Variants in BIN3 observed in about 807,000 individuals in gnomAD.
BIN3 encodes bridging integrator 3.
A neutral mutation model predicts 38.2 loss-of-function variants in BIN3; 41 were observed. The observed-to-expected ratio is 1.07, with a 90% CI of 0.84 to 1.39. The LOEUF (loss-of-function observed/expected upper bound fraction) is 1.39. BIN3 is among the 40% of genes most tolerant of loss of function. The pLI, the probability that BIN3 is intolerant of heterozygous loss-of-function variation, is 0.00. For missense variants in BIN3, 361 were observed against 324.3 expected, an observed-to-expected ratio of 1.11 and a Z score of -0.87; for synonymous variants, 145 against 122.6, an observed-to-expected ratio of 1.18 and a Z score of -1.21.
chr8:22,630,492 T>C lies in BIN3; in HGVS notation c.247A>G (p.Thr83Ala). ...EQDQDLLNMV[T>A]ALDTAMKRMD... ...CGCTTCATGGCCGTGTCCAGGGCCG[T>C]CACCATGTTCAGAAGGTCCTGGTCT... The change falls in exon 5 of 9, where the codon ACG becomes GCG. Residue 83 changes from threonine to alanine, a missense_variant. Transcript: ENST00000276416. The C allele has an allele frequency of 6.2e-7, 1 of 1,614,010 alleles. No homozygotes were observed. Among genetic ancestry groups the C allele is most frequent in the South Asian group, 1.1e-5 (1 of 91,078 alleles).
At chr8:22,633,882 C>A (rs1802285369) in intron 4 of BIN3, among the ~76,000 whole-genome samples, 1 of 152,238 alleles carries the variant, frequency 6.6e-6, no homozygotes, top group South Asian at 2.1e-4. Flanking sequence ...ACCACCACCA[C>A]CGCTCTTCAG....
At chr8:22,658,428 TTC>T (rs1172857296) in intron 1 of BIN3, among the ~76,000 whole-genome samples, 3 of 152,264 alleles carry the variant, frequency 2.0e-5, no homozygotes, top group African/African-American at 7.2e-5. Flanking sequence ...AGTTGGCTAA[TTC>T]TGTCTGTCTC....
At chr8:22,627,288 G>A (rs1302124052) in intron 6 of BIN3, among the ~76,000 whole-genome samples, 1 of 152,212 alleles carries the variant, frequency 6.6e-6, no homozygotes, top group Non-Finnish European at 1.5e-5. Context: ...GCAGGGCGCA[G>A]CTTGTGCCAA....
At chr8:22,645,310 C>A (rs1359328633) in intron 1 of BIN3, among the ~76,000 whole-genome samples, 1 of 149,792 alleles carries the variant, frequency 6.7e-6, no homozygotes, top group Non-Finnish European at 1.5e-5. Context: ...AAAAAAAAAA[C>A]ACAAAAAAAC....
intron 2 of BIN3, among the ~76,000 whole-genome samples, chr8:22,637,866 CCTCA>C (rs1297953267): frequency 6.6e-6 from 1 of 152,168 alleles, no homozygotes; most frequent in Non-Finnish European, 1.5e-5. Context: ...TTCACAGAGC[CCTCA>C]CTGTGTGCTT....
At chr8:22,648,997 T>C (rs1802800577) in intron 1 of BIN3, among the ~76,000 whole-genome samples, 2 of 152,172 alleles carry the variant, frequency 1.3e-5, no homozygotes, top group Admixed American at 6.5e-5. Flanking sequence ...CAAGTGCATC[T>C]TGTACATTTC....
intron 1 of BIN3, among the ~76,000 whole-genome samples, chr8:22,657,502 G>A (rs1334278405): frequency 2.6e-5 from 4 of 152,246 alleles, no homozygotes; most frequent in East Asian, 1.9e-4. Flanking sequence ...ATTGGAGTAC[G>A]ATGGGTCAAG....
At chr8:22,643,052 T>C (rs1214242789) in intron 2 of BIN3, among the ~76,000 whole-genome samples, 2 of 152,226 alleles carry the variant, frequency 1.3e-5, no homozygotes, top group East Asian at 3.8e-4. Context: ...TTCATTTTGA[T>C]AAAGGTTGGG....
chr8:22,655,238 C>G (rs1179319836), intron 1 of BIN3, among the ~76,000 whole-genome samples: 1 of 152,200 alleles, frequency 6.6e-6, no homozygotes, highest in Admixed American at 6.5e-5. Flanking sequence ...TGGGTTTCCA[C>G]TTTCTTAATG....
chr8:22,627,559 G>A (rs188462292), intron 6 of BIN3, among the ~76,000 whole-genome samples: 172 of 152,194 alleles, frequency 1.1e-3, no homozygotes, highest in African/African-American at 3.9e-3. Context: ...ACCCCACAGA[G>A]GCCCTGCTGA....
chr8:22,627,186 G>A (rs1168428807), intron 6 of BIN3, among the ~76,000 whole-genome samples: 1 of 152,168 alleles, frequency 6.6e-6, no homozygotes, highest in Non-Finnish European at 1.5e-5. Context: ...CAACCACGGT[G>A]GGGGGAGGTT....
Position 22,661,993 on chromosome 8 carries a change from C to T in BIN3, c.8+7051G>A, listed in dbSNP as rs528703116. ...ATTTTTTAGTAGAGACGGGGTTTCACCATGTTGGTGAGGCTGGTCTTGAAC... is the reference window on the plus strand; with the variant it reads ...ATTTTTTAGTAGAGACGGGGTTTCATCATGTTGGTGAGGCTGGTCTTGAAC... On this transcript the variant is annotated intron_variant, in intron 1 of 8. Coordinates refer to ENST00000276416, the MANE Select transcript of BIN3 (RefSeq NM_018688.6). Among the ~76,000 whole-genome samples the T allele has an allele frequency of 2.6e-4, 39 of 152,280 alleles. No individual in the cohort carries two copies. The East Asian group carries it at 7.0e-3, about 27-fold the overall frequency.
intron 1 of BIN3, among the ~76,000 whole-genome samples, chr8:22,661,309 G>T (rs1235183178): frequency 1.4e-5 from 2 of 147,926 alleles, no homozygotes; most frequent in Non-Finnish European, 3.0e-5. Flanking sequence ...TTGCCTTATA[G>T]GTCTAATGTT....
chr8:22,657,317 T>C (rs949855147), intron 1 of BIN3, among the ~76,000 whole-genome samples: 1 of 152,250 alleles, frequency 6.6e-6, no homozygotes, highest in Non-Finnish European at 1.5e-5. Context: ...GGTAGTATCA[T>C]TGTCTTTGGG....
Position 22,624,005 on chromosome 8 carries a change from C to G in BIN3, c.525G>C (p.Lys175Asn). ...LRPVREDFEA[K>N]NRQLLEEMPR... ...GCATCTCCTCCAGCAGCTGCCTGTT[C>G]TTGGCTTCAAAGTCCTCCCGCACAG... is the stretch of plus-strand genomic sequence containing the variant. The change falls in exon 8 of 9, where the codon AAG (lysine) becomes AAC (asparagine). Residue 175 changes from lysine (K) to asparagine (N), a missense_variant. By Grantham distance (94) the Lys-to-Asn change is moderately conservative (BLOSUM62 0). Coordinates refer to ENST00000276416, the MANE Select transcript of BIN3 (RefSeq NM_018688.6). 3 of 1,612,868 alleles carry G rather than the reference C, an allele frequency of 1.9e-6. No individual in the cohort carries two copies. The highest frequency in any genetic ancestry group is 2.5e-6 in the Non-Finnish European group (3 of 1,179,674).
At chr8:22,622,738 T>C (rs1801865930) in intron 8 of BIN3, 1 of 152,262 alleles carries the variant, frequency 6.6e-6, no homozygotes, top group Non-Finnish European at 1.5e-5. Flanking sequence ...AGCACCCAGG[T>C]GACAGTGAGG....
intron 6 of BIN3, chr8:22,625,588 G>A (rs1801977814): frequency 5.0e-6 from 3 of 599,920 alleles, no homozygotes; most frequent in Admixed American, 2.8e-5. Flanking sequence ...CAAAGGACAT[G>A]ACCAGGAATT....
chr8:22,621,334 A>C lies in BIN3; in HGVS notation c.*88T>G. 3.4e-6 allele frequency: 5 copies of C among 1,489,820 alleles called. No homozygotes were observed. The highest frequency in any genetic ancestry group is 4.5e-6 in the Non-Finnish European group (5 of 1,111,004). 92.3% of individuals were successfully genotyped at this position (1,489,820 alleles called of 1,614,324 possible). On this transcript the variant is annotated 3_prime_UTR_variant, in exon 9 of 9. Coordinates refer to ENST00000276416, the MANE Select transcript of BIN3 (RefSeq NM_018688.6). ...GTGAACCAGGGCCACCTCTGTCCCCAGCCTGTGAGAGGAGCAGCTAGCCCT... is the reference window on the plus strand; with the variant it reads ...GTGAACCAGGGCCACCTCTGTCCCCCGCCTGTGAGAGGAGCAGCTAGCCCT...
At chr8:22,661,304 T>A (rs1227491096) in intron 1 of BIN3, among the ~76,000 whole-genome samples, 1 of 151,374 alleles carries the variant, frequency 6.6e-6, no homozygotes, top group East Asian at 1.9e-4. Flanking sequence ...TAGTATTGCC[T>A]TATAGGTCTA....
Sources: allele counts gnomAD v4.1 joint callset (sites outside exome capture counted in the v4.1 genomes callset), GRCh38; gene constraint gnomAD v4.1.1; transcripts MANE v1.5; gene names NCBI Gene and HGNC (gene_info 2026-07-23, HGNC 2026-07-21).